Variants in NCOR2 observed in about 807,000 individuals in gnomAD.
NCOR2 encodes CTG repeat protein 26.
In NCOR2, 81 loss-of-function variants were observed where a neutral mutation model predicts 262.9. The observed-to-expected ratio is 0.31, with a 90% CI of 0.26 to 0.37. NCOR2 has a LOEUF of 0.37. NCOR2 is among the 10% of genes least tolerant of loss of function. The pLI is 1.00. For synonymous variants in NCOR2, 1,659 were observed against 1,559.3 expected, an observed-to-expected ratio of 1.06 and a Z score of -1.51; for missense variants, 3,385 against 3,621.4, an observed-to-expected ratio of 0.93 and a Z score of 1.68.
At chr12:124,480,991 G>A (rs911604951) in intron 3 of NCOR2, among the ~76,000 whole-genome samples, 33 of 151,870 alleles carry the variant, frequency 2.2e-4, no homozygotes, top group Non-Finnish European at 3.7e-4. Flanking sequence ...ACAGATGGCC[G>A]CAGGCAGATG....
At chr12:124,397,686 G>C (rs1385196349) in intron 16 of NCOR2, among the ~76,000 whole-genome samples, 1 of 152,146 alleles carries the variant, frequency 6.6e-6, no homozygotes. Flanking sequence ...GGCTCTAAGG[G>C]CTGGATGAAC....
Position 124,432,698 on chromosome 12 carries a change from C to G in NCOR2, c.883-1911G>C, listed in dbSNP as rs1226818081. ...ACCAGCTGTGAGGACCCCAGCAGCT[C>G]CCAGAGAGGGGGCTCTGCCTTCCCT... On this transcript the variant is annotated intron_variant, in intron 8 of 46. Coordinates refer to ENST00000405201, the Ensembl canonical transcript of NCOR2. This position sits in a 1 kb window ranked among gnomAD's most constrained non-coding sequence, Gnocchi z 5.1. 1.3e-5 allele frequency among the ~76,000 whole-genome samples: 2 copies of G among 152,182 alleles called. No individual in the cohort carries two copies. The highest frequency in any genetic ancestry group is 2.9e-5 in the Non-Finnish European group (2 of 68,022).
At chr12:124,435,786 C>T (rs1041309213) in intron 8 of NCOR2, among the ~76,000 whole-genome samples, 12 of 152,202 alleles carry the variant, frequency 7.9e-5, no homozygotes, top group Non-Finnish European at 1.5e-4. Flanking sequence ...TCGGAACTGC[C>T]CCTTGGGGGT....
intron 2 of NCOR2, among the ~76,000 whole-genome samples, chr12:124,484,620 G>T (rs2047678201): frequency 6.6e-6 from 1 of 152,176 alleles, no homozygotes; most frequent in Non-Finnish European, 1.5e-5. Context: ...CCTGCCCCAG[G>T]GCCTTTGCAC....
chr12:124,429,485 C>T (rs2043792595), intron 10 of NCOR2, 128 bp downstream of exon 12: 2 of 960,202 alleles, frequency 2.1e-6, no homozygotes, highest in Non-Finnish European at 3.2e-6. Context: ...CTTGATTCCA[C>T]CCGCGCTTCG....
intron 16 of NCOR2, among the ~76,000 whole-genome samples, chr12:124,386,148 T>C (rs1366806901): frequency 6.6e-6 from 1 of 151,942 alleles, no homozygotes; most frequent in Non-Finnish European, 1.5e-5. Context: ...GGGAAAGGCC[T>C]GGGCTGGAGG....
At chr12:124,336,642 C>T (rs1190209874) in intron 38 of NCOR2, 111 bp downstream of exon 40, 22 of 1,511,894 alleles carry the variant, frequency 1.5e-5, no homozygotes, top group Non-Finnish European at 1.8e-5. Flanking sequence ...GTCTTACCAT[C>T]GCGAGGGGAG....
intron 1 of NCOR2, among the ~76,000 whole-genome samples, chr12:124,511,604 C>G (rs1271560929): frequency 6.6e-6 from 1 of 152,194 alleles, no homozygotes; most frequent in Non-Finnish European, 1.5e-5. Context: ...TCTGAGGGGA[C>G]AGCGAACAGC....
At chr12:124,567,530 C>A (rs1469356633), upstream of NCOR2, 3 of 146,322 alleles carry the variant, frequency 2.1e-5, no homozygotes, top group African/African-American at 7.3e-5. Context: ...AGGGCTCGGG[C>A]GGGGCGCCGG....
chr12:124,338,098 T>C (rs1463264232), intron 37 of NCOR2, among the ~76,000 whole-genome samples: 3 of 152,248 alleles, frequency 2.0e-5, no homozygotes, highest in Admixed American at 6.5e-5. Flanking sequence ...CGATGCCATT[T>C]TTCATAATTG....
intron 8 of NCOR2, among the ~76,000 whole-genome samples, chr12:124,433,785 C>G (rs2044125602): frequency 6.6e-6 from 1 of 150,446 alleles, no homozygotes; most frequent in Non-Finnish European, 1.5e-5. Flanking sequence ...AAGGGCAGAC[C>G]CACTGGCCAG....
At chr12:124,433,904 A>ACACACACACGCG (rs71092203) in intron 8 of NCOR2, among the ~76,000 whole-genome samples, 1 of 93,896 alleles carries the variant, frequency 1.1e-5, no homozygotes, top group South Asian at 3.9e-4. Context: ...ACACACGCAC[A>ACACACACACGCG]CACACACACA....
In NCOR2 at chr12:124,344,609, G is replaced by A. The variant is rs1238567659; in HGVS notation, c.4702C>T (p.Arg1568Cys). ...ACACCCCACTCACCCTCCTGCAGGC[G>A]CGGCGTGGGCTCCCGCGTGGTCACG... Residue 1568 changes from arginine (R) to cysteine (C), a missense_variant, in exon 32 of 47, where the codon CGC (arginine) becomes TGC (cysteine). Coordinates refer to ENST00000405201, the Ensembl canonical transcript of NCOR2. 3.9e-5 allele frequency: 57 copies of A among 1,452,090 alleles called. No homozygotes were observed. The South Asian group carries it at 5.0e-4, about 13-fold the overall frequency. The allele number at this position is 1,452,090 out of a possible 1,614,324, so 90.0% of individuals were successfully genotyped here.
intron 21 of NCOR2, 64 bp downstream of exon 23, chr12:124,363,615 T>C (rs772007900): frequency 9.2e-6 from 12 of 1,306,266 alleles, no homozygotes; most frequent in Non-Finnish European, 1.2e-5. Context: ...GGATTCTCTG[T>C]CTCAATGAAT....
chr12:124,340,397 C>G (rs1318423205), exon 36 of NCOR2: 1 of 1,613,080 alleles, frequency 6.2e-7, no homozygotes. Flanking sequence ...CTCGCTCCCG[C>G]TCGGACGAGG....
chr12:124,344,502 T>G, intron 32 of NCOR2, 95 bp downstream of exon 34: 1 of 1,167,414 alleles, frequency 8.6e-7, no homozygotes, highest in South Asian at 2.0e-5. Flanking sequence ...GTGGCGAGGA[T>G]ATCCCAGGTG....
At chr12:124,543,794 G>A (rs1010159799) in intron 1 of NCOR2, among the ~76,000 whole-genome samples, 5 of 152,180 alleles carry the variant, frequency 3.3e-5, no homozygotes, top group Non-Finnish European at 5.9e-5. Flanking sequence ...GGGAGGCCGC[G>A]GAGGCCCCAC....
intron 37 of NCOR2, 179 bp from the exon 40 acceptor site, chr12:124,337,359 A>G: frequency 1.3e-6 from 1 of 767,616 alleles, no homozygotes; most frequent in Non-Finnish European, 2.3e-6. Context: ...CATCCCACTC[A>G]TTCGTTCATT....
rs994360562 is a variant in NCOR2 at position 124,517,570 on chromosome 12, G to C, written c.-118+17995C>G. ...CGCTGCCTGCACCTGGCTCTCCCCT[G>C]CCTGAGCCCACCGCGGAGCCCCAGG... On this transcript the variant is annotated intron_variant, in intron 1 of 46. Coordinates refer to the NCOR2 transcript ENST00000404621. This position sits in a 1 kb window ranked among gnomAD's most constrained non-coding sequence, Gnocchi z 7.6. Among the ~76,000 whole-genome samples, 2 of 152,172 alleles carry C rather than the reference G, an allele frequency of 1.3e-5. No individual in the cohort carries two copies. The highest frequency in any genetic ancestry group is 2.9e-5 in the Non-Finnish European group (2 of 68,006).
Sources: gnomAD v4.1 joint callset for allele counts (sites outside exome capture counted in the v4.1 genomes callset) on GRCh38, gnomAD v4.1.1 for gene constraint, Gnocchi (gnomAD v3.1) non-coding constraint, MANE v1.5 for transcripts, NCBI Gene and HGNC (gene_info 2026-07-23, HGNC 2026-07-21) for gene names.